Variants in IL6R observed in about 807,000 individuals in gnomAD.
IL6R encodes interleukin-6 receptor subunit alpha.
IL6R carries 38 observed loss-of-function variants against 48.3 expected under a neutral mutation model. The observed-to-expected ratio is 0.79, with a 90% CI of 0.61 to 1.03. The LOEUF is 1.03. Ranked by LOEUF, IL6R falls within the 50% of genes least tolerant of loss-of-function variation. IL6R has a pLI of 0.00. For synonymous variants in IL6R, 264 were observed against 256.2 expected, an observed-to-expected ratio of 1.03 and a Z score of -0.29; for missense variants, 534 against 618.3, an observed-to-expected ratio of 0.86 and a Z score of 1.45.
At chr1:154,442,538 C>A (rs1232750820) in intron 6 of IL6R, among the ~76,000 whole-genome samples, 1 of 152,140 alleles carries the variant, frequency 6.6e-6, no homozygotes, top group Non-Finnish European at 1.5e-5. Flanking sequence ...GGCTCTGGAG[C>A]CTGGACTTCA....
At chr1:154,420,019 GAT>G (rs1473391620) in intron 1 of IL6R, among the ~76,000 whole-genome samples, 2 of 152,052 alleles carry the variant, frequency 1.3e-5, no homozygotes, top group Non-Finnish European at 2.9e-5. Context: ...GGGGCAGGGA[GAT>G]ATGGGCTTGC....
chr1:154,469,278 A>T lies in IL6R; in HGVS notation c.*3898A>T, dbSNP rs1369027698. ...TACGTTGTTTTCTTGGAGATAAATA[A>T]TAGTTTCAAGTTTTTGTTTGTTTGT... is the stretch of plus-strand genomic sequence containing the variant. On this transcript the variant is annotated 3_prime_UTR_variant, in exon 10 of 10. Coordinates refer to ENST00000368485, the MANE Select transcript of IL6R (RefSeq NM_000565.4). 2.0e-5 allele frequency: 3 copies of T among 152,082 alleles called. No individual in the cohort carries two copies. The highest frequency in any genetic ancestry group is 4.4e-5 in the Non-Finnish European group (3 of 68,050). 9.4% of individuals were successfully genotyped at this position (152,082 alleles called of 1,614,324 possible).
chr1:154,454,614 G>A (rs1557778627), intron 9 of IL6R, 33 bp downstream of exon 9: 1 of 1,399,936 alleles, frequency 7.1e-7, no homozygotes, highest in Admixed American at 1.7e-5. Context: ...GCCCTGTGGT[G>A]TTCTCATATT....
chr1:154,447,653 C>T (rs928184176), intron 6 of IL6R, among the ~76,000 whole-genome samples: 3 of 150,676 alleles, frequency 2.0e-5, no homozygotes, highest in African/African-American at 4.9e-5. Flanking sequence ...TAGTCCCTTA[C>T]GGTTGGATAT....
chr1:154,435,635 T>A (rs927851259), intron 5 of IL6R, among the ~76,000 whole-genome samples: 2 of 152,222 alleles, frequency 1.3e-5, no homozygotes, highest in African/African-American at 4.8e-5. Flanking sequence ...TGGTATATCA[T>A]TTATTAAATG....
In IL6R at chr1:154,454,470, A is replaced by G. The variant is rs769292401; in HGVS notation, c.1067-18A>G. On this transcript the variant is annotated intron_variant, in intron 8 of 9. Transcript: ENST00000368485. ...TTCTCCTCTTCCTCCTCTATCTTCA[A>G]TTTTTTTTTTAACCTAGTGCAAGAT... 2.1e-5 allele frequency: 28 copies of G among 1,346,184 alleles called. No homozygotes were observed. The highest frequency in any genetic ancestry group is 3.8e-5 in the Admixed American group (2 of 53,006). 83.4% of individuals were successfully genotyped at this position (1,346,184 alleles called of 1,614,324 possible). A position where few individuals can be genotyped will look rare whatever the true frequency, so the allele number is the denominator to read the frequency against.
chr1:154,437,513 A>G (rs1488721106), intron 6 of IL6R: 2 of 445,424 alleles, frequency 4.5e-6, no homozygotes, highest in Non-Finnish European at 9.1e-6. Flanking sequence ...TCCTGGGTTC[A>G]AGCAATCCTC....
intron 2 of IL6R, among the ~76,000 whole-genome samples, chr1:154,430,078 C>T (rs961516199): frequency 2.0e-5 from 3 of 152,114 alleles, no homozygotes; most frequent in African/African-American, 7.2e-5. Flanking sequence ...GCAGGCTTAT[C>T]ATCATTTCCA....
At position 154,436,007 on chromosome 1, in the gene IL6R, C is replaced by G. The variant is rs34825392; in HGVS notation, c.846C>G (p.Ala282=). The G allele has an allele frequency of 4.3e-5, 69 of 1,611,770 alleles. 1 individual carries two copies. The African/African-American group carries it at 7.5e-4, about 17-fold the overall frequency. ...DLQHHCVIHD[A]WSGLRHVVQL... is the part of the protein sequence containing the mutation. Reference sequence around the variant, plus strand: ...AGCATCACTGTGTCATCCACGACGCCTGGAGCGGCCTGAGGCACGTGGTGC... The same window carrying G: ...AGCATCACTGTGTCATCCACGACGCGTGGAGCGGCCTGAGGCACGTGGTGC... Residue 282 remains alanine, a synonymous_variant, in exon 6 of 10, where the codon GCC becomes GCG. Coordinates refer to ENST00000368485, the MANE Select transcript of IL6R (RefSeq NM_000565.4).
At chr1:154,426,076 G>GACACACACACACACACACAC (rs34280647) in intron 1 of IL6R, among the ~76,000 whole-genome samples, 9 of 119,960 alleles carry the variant, frequency 7.5e-5, no homozygotes, top group African/African-American at 2.5e-4. Flanking sequence ...CCCTGTATCA[G>GACACACACACACACACACAC]ACACACACAC....
At chr1:154,421,896 C>T (rs1239405059) in intron 1 of IL6R, among the ~76,000 whole-genome samples, 1 of 152,148 alleles carries the variant, frequency 6.6e-6, no homozygotes, top group Middle Eastern at 3.2e-3. Flanking sequence ...GCTGGGATGA[C>T]AGGCGTAAGC....
chr1:154,432,693 GGA>G (rs1375702875), intron 3 of IL6R, among the ~76,000 whole-genome samples: 1 of 152,216 alleles, frequency 6.6e-6, no homozygotes, highest in Non-Finnish European at 1.5e-5. Context: ...AGCGGGAGTG[GGA>G]GAGAGTACAG....
intron 1 of IL6R, among the ~76,000 whole-genome samples, chr1:154,421,784 T>A (rs954179653): frequency 6.6e-6 from 1 of 152,130 alleles, no homozygotes. Context: ...CATGCCCAGC[T>A]AATTTTAGAG....
chr1:154,421,147 C>T (rs952730577), intron 1 of IL6R, among the ~76,000 whole-genome samples: 1 of 152,204 alleles, frequency 6.6e-6, no homozygotes, highest in African/African-American at 2.4e-5. Context: ...CTCCCTCCTG[C>T]CTCTGCGCTG....
chr1:154,448,955 G>T (rs1471698490), intron 7 of IL6R, among the ~76,000 whole-genome samples: 1 of 137,380 alleles, frequency 7.3e-6, no homozygotes, highest in Non-Finnish European at 1.5e-5. Context: ...CTGCAGTGGC[G>T]CAATCTTGGC....
At chr1:154,449,856 T>C (rs907913880) in intron 7 of IL6R, 55 bp from the exon 8 acceptor site, 1 of 1,169,712 alleles carries the variant, frequency 8.5e-7, no homozygotes, top group Admixed American at 1.7e-5. Context: ...GAACTGGTTC[T>C]GAATGATGGT....
chr1:154,457,388 C>T (rs1366983666), intron 9 of IL6R, among the ~76,000 whole-genome samples: 2 of 149,894 alleles, frequency 1.3e-5, no homozygotes, highest in African/African-American at 2.5e-5. Flanking sequence ...AAGCACCACA[C>T]AGTTAAATCC....
chr1:154,465,055 T>G, intron 9 of IL6R, 79 bp from the exon 10 acceptor site: 1 of 1,568,120 alleles, frequency 6.4e-7, no homozygotes, highest in Non-Finnish European at 8.8e-7. Context: ...GGCAGCCAGC[T>G]GTTGGTGTTT....
intron 1 of IL6R, among the ~76,000 whole-genome samples, chr1:154,408,043 A>G (rs1171429771): frequency 6.6e-6 from 1 of 152,124 alleles, no homozygotes; most frequent in African/African-American, 2.4e-5. Context: ...GTATTTCTCA[A>G]AAGCTTAGTT....
Sources: allele counts gnomAD v4.1 joint callset (sites outside exome capture counted in the v4.1 genomes callset), GRCh38; gene constraint gnomAD v4.1.1; transcripts MANE v1.5; gene names NCBI Gene and HGNC (gene_info 2026-07-23, HGNC 2026-07-21).